The following AGMO variants were observed in gnomAD, a reference collection of about 807,000 sequenced individuals.
The protein encoded by AGMO is glyceryl-ether monooxygenase.
Under a neutral mutation model 60.2 loss-of-function variants are expected in AGMO, and 75 were observed. The observed-to-expected ratio is 1.25, with a 90% CI of 1.03 to 1.51. AGMO has a LOEUF of 1.51. Among genes scored for constraint, AGMO ranks in the 40% most tolerant of loss-of-function variants. The pLI is 0.00. For synonymous variants in AGMO, 261 were observed against 177.1 expected, an observed-to-expected ratio of 1.47 and a Z score of -3.76; for missense variants, 763 against 525.5, an observed-to-expected ratio of 1.45 and a Z score of -4.42.
intron 12 of AGMO, among the ~76,000 whole-genome samples, chr7:15,255,801 G>A (rs553833799): frequency 6.6e-6 from 1 of 152,276 alleles, no homozygotes; most frequent in Non-Finnish European, 1.5e-5. Flanking sequence ...TTCAAATTTA[G>A]GTAGGTAGGT....
At chr7:15,226,623 C>T (rs1350300282) in intron 12 of AGMO, among the ~76,000 whole-genome samples, 1 of 152,004 alleles carries the variant, frequency 6.6e-6, no homozygotes, top group Non-Finnish European at 1.5e-5. Flanking sequence ...AAGAGAAATA[C>T]TCTCTCTGCA....
the AGMO span, among the ~76,000 whole-genome samples, chr7:15,119,253 T>TTGCCATC: frequency 1.3e-5 from 2 of 151,874 alleles, no homozygotes; most frequent in Non-Finnish European, 2.9e-5. Flanking sequence ...CACTTCCCAT[T>TTGCCATC]TGCCATCTGC....
In AGMO at chr7:15,360,151, A is replaced by C. The variant is rs575644745; in HGVS notation, c.1263+5363T>G. 2.0e-5 allele frequency among the ~76,000 whole-genome samples: 3 copies of C among 152,346 alleles called. No individual in the cohort carries two copies. The East Asian group carries it at 5.8e-4, about 29-fold the overall frequency. ...CACATGTCCACCCACCAAGGTAGGT[A>C]CTACTTTTATTATTCTCATTATGCA... On this transcript the variant is annotated intron_variant, in intron 12 of 12. Coordinates refer to ENST00000342526, the MANE Select transcript of AGMO (RefSeq NM_001004320.2).
intron 12 of AGMO, among the ~76,000 whole-genome samples, chr7:15,273,308 G>A (rs1017735244): frequency 6.6e-6 from 1 of 152,134 alleles, no homozygotes; most frequent in African/African-American, 2.4e-5. Context: ...TTCTGCATAA[G>A]GTGTAAGGAA....
chr7:15,307,234 C>T (rs976194008), intron 12 of AGMO, among the ~76,000 whole-genome samples: 24 of 151,992 alleles, frequency 1.6e-4, no homozygotes, highest in African/African-American at 5.3e-4. Flanking sequence ...TGTTCTGCGG[C>T]CATAAAACGT....
At chr7:15,284,270 C>T (rs753798691) in intron 12 of AGMO, among the ~76,000 whole-genome samples, 2 of 151,786 alleles carry the variant, frequency 1.3e-5, no homozygotes, top group African/African-American at 2.4e-5. Flanking sequence ...AAAAACAATA[C>T]AAAACATCAA....
At chr7:15,406,434 C>T (rs373994363) in intron 5 of AGMO, among the ~76,000 whole-genome samples, 9,066 of 115,890 alleles carry the variant, frequency 0.078, 423 homozygotes, top group Middle Eastern at 0.13. Context: ...TACATATATG[C>T]GTGCATATGT....
At position 15,238,301 on chromosome 7, in the gene AGMO, T is replaced by C. The variant is rs972425532; in HGVS notation, c.1264-36942A>G. 1.8e-4 allele frequency among the ~76,000 whole-genome samples: 27 copies of C among 151,922 alleles called. 1 individual carries two copies. The highest frequency in any genetic ancestry group is 1.2e-3 in the Admixed American group (19 of 15,240). ...TTTATATTAGGAATTTCTTAAGGCA[T>C]ACAAAAATACAGTTAAACAGAAGGA... is the stretch of plus-strand genomic sequence containing the variant. On this transcript the variant is annotated intron_variant, in intron 12 of 12. Coordinates refer to ENST00000342526, the MANE Select transcript of AGMO (RefSeq NM_001004320.2).
Position 15,376,947 on chromosome 7 carries a change from T to G in AGMO, c.1074+8499A>C, listed in dbSNP as rs528045838. On this transcript the variant is annotated intron_variant, in intron 10 of 12. Transcript: ENST00000342526. Reference sequence around the variant, plus strand: ...GTGGCCATCAAATTGCTCTCTTGACTCCCAAAGTTATTTATATAGAACTTG... The same window carrying G: ...GTGGCCATCAAATTGCTCTCTTGACGCCCAAAGTTATTTATATAGAACTTG... Among the ~76,000 whole-genome samples, 13 of 152,170 alleles carry G rather than the reference T, an allele frequency of 8.5e-5. No individual in the cohort carries two copies. The South Asian group carries it at 2.7e-3, about 32-fold the overall frequency.
intron 12 of AGMO, among the ~76,000 whole-genome samples, chr7:15,244,331 T>C (rs879386420): frequency 6.6e-6 from 1 of 151,900 alleles, no homozygotes; most frequent in Non-Finnish European, 1.5e-5. Flanking sequence ...GTTGATTGTT[T>C]ATGAACATTC....
intron 3 of AGMO, among the ~76,000 whole-genome samples, chr7:15,453,772 C>G (rs1781918256): frequency 6.6e-6 from 1 of 152,046 alleles, no homozygotes; most frequent in South Asian, 2.1e-4. Flanking sequence ...GGTGAAGGGT[C>G]TGCCAACAGG....
intron 2 of AGMO, among the ~76,000 whole-genome samples, chr7:15,548,834 C>T (rs1453816686): frequency 2.0e-5 from 3 of 151,920 alleles, no homozygotes; most frequent in African/African-American, 4.8e-5. Flanking sequence ...AGATACTCCT[C>T]GAGAAGGGCA....
the AGMO span, among the ~76,000 whole-genome samples, chr7:15,177,773 G>C: frequency 1.3e-5 from 2 of 151,754 alleles, no homozygotes; most frequent in Admixed American, 6.6e-5. Flanking sequence ...ATAATTCTAA[G>C]GTAAAAATAT....
rs181784190 is a variant in AGMO at position 15,354,786 on chromosome 7, A to C, written c.1263+10728T>G. Among the ~76,000 whole-genome samples, 6 of 151,480 alleles carry C rather than the reference A, an allele frequency of 4.0e-5. No homozygotes were observed. In the East Asian group the frequency reaches 1.2e-3, roughly 30 times the overall value. ...GGATCTGCTAATAACCCCAGTGTTTACGTTTTACGCTATTCCCTGAATTTT... is the reference window on the plus strand; with the variant it reads ...GGATCTGCTAATAACCCCAGTGTTTCCGTTTTACGCTATTCCCTGAATTTT... On this transcript the variant is annotated intron_variant, in intron 12 of 12. Transcript: ENST00000342526.
chr7:15,467,595 A>C (rs1359704952), intron 3 of AGMO, among the ~76,000 whole-genome samples: 1 of 152,182 alleles, frequency 6.6e-6, no homozygotes, highest in East Asian at 1.9e-4. Context: ...AGGATTCCTG[A>C]AAATATTTAC....
At chr7:15,241,980 C>T (rs1782604940) in intron 12 of AGMO, among the ~76,000 whole-genome samples, 1 of 152,134 alleles carries the variant, frequency 6.6e-6, no homozygotes, top group Non-Finnish European at 1.5e-5. Context: ...CATATATTTC[C>T]TCCCTCAATC....
At chr7:15,490,051 A>G (rs1783031390) in intron 3 of AGMO, among the ~76,000 whole-genome samples, 2 of 152,248 alleles carry the variant, frequency 1.3e-5, no homozygotes, top group Non-Finnish European at 1.5e-5. Flanking sequence ...TTAAGGAACT[A>G]TATCAAAAAG....
At chr7:15,297,402 A>T (rs1784435480) in intron 12 of AGMO, among the ~76,000 whole-genome samples, 1 of 152,202 alleles carries the variant, frequency 6.6e-6, no homozygotes, top group South Asian at 2.1e-4. Context: ...GACTTTTTTC[A>T]AGTCAAATAT....
At chr7:15,149,239 G>A in the AGMO span, among the ~76,000 whole-genome samples, 2 of 152,082 alleles carry the variant, frequency 1.3e-5, no homozygotes, top group Admixed American at 6.5e-5. Context: ...TGCATGGTTT[G>A]TAAATATTTT....
Sources: gnomAD v4.1 joint callset for allele counts (sites outside exome capture counted in the v4.1 genomes callset) on GRCh38, gnomAD v4.1.1 for gene constraint, MANE v1.5 for transcripts, NCBI Gene and HGNC (gene_info 2026-07-23, HGNC 2026-07-21) for gene names.